Variants in ANXA13 observed in about 807,000 individuals in gnomAD.
ANXA13 encodes the protein annexin A13, also known as annexin XIII.
ANXA13 carries 36 observed loss-of-function variants against 46.6 expected under a neutral mutation model. That is an observed-to-expected ratio of 0.77 (90% CI 0.59 to 1.02). The LOEUF is 1.02. ANXA13 is among the 50% of genes least tolerant of loss of function. ANXA13 has a pLI of 0.00. For missense variants in ANXA13, 417 were observed against 396.5 expected (o/e 1.05, Z -0.44); for synonymous variants, 163 against 152.9 (o/e 1.07, Z -0.49).
intron 1 of ANXA13, among the ~76,000 whole-genome samples, chr8:123,723,757 G>A (rs767783580): frequency 6.6e-6 from 1 of 152,142 alleles, no homozygotes; most frequent in Non-Finnish European, 1.5e-5. Flanking sequence ...TCTTTTAACA[G>A]ATACATTATC....
intron 6 of ANXA13, 138 bp downstream of exon 6, chr8:123,695,364 A>G: frequency 2.9e-6 from 2 of 679,528 alleles, no homozygotes; most frequent in Non-Finnish European, 5.1e-6. Flanking sequence ...CTGATGGAGC[A>G]TGGGTTGATA....
chr8:123,721,335 T>G (rs1315783822), intron 1 of ANXA13, among the ~76,000 whole-genome samples: 1 of 152,186 alleles, frequency 6.6e-6, no homozygotes, highest in African/African-American at 2.4e-5. Context: ...CTGCCTCCTC[T>G]CTCACAGACA....
rs1814054870 is a variant in ANXA13 at position 123,728,920 on chromosome 8, G to GGAAAGA, written c.15+8394_15+8399dup. Among the ~76,000 whole-genome samples, 6 of 151,624 alleles carry GGAAAGA rather than the reference G, an allele frequency of 4.0e-5. No individual in the cohort carries two copies. In the South Asian group the frequency reaches 1.3e-3, roughly 32 times the overall value. On this transcript the variant is annotated intron_variant, in intron 1 of 10. Transcript: ENST00000419625. ...ACAACCATCCAAGTCCCCATTATTT[G>GGAAAGA]GAAAGAGAATTATTTTCTCCCTTTC... is the stretch of plus-strand genomic sequence containing the variant.
At chr8:123,726,983 C>T (rs770132144) in intron 1 of ANXA13, among the ~76,000 whole-genome samples, 3 of 152,092 alleles carry the variant, frequency 2.0e-5, no homozygotes, top group Non-Finnish European at 4.4e-5. Context: ...TGTTCTCACT[C>T]ATAAGTGGGA....
chr8:123,724,948 C>G (rs934685606), intron 1 of ANXA13, among the ~76,000 whole-genome samples: 1 of 152,198 alleles, frequency 6.6e-6, no homozygotes, highest in African/African-American at 2.4e-5. Flanking sequence ...TACCTACTTG[C>G]ACCAGAGGTT....
chr8:123,707,951 A>T (rs1813572140), intron 2 of ANXA13, among the ~76,000 whole-genome samples: 1 of 152,196 alleles, frequency 6.6e-6, no homozygotes, highest in Admixed American at 6.5e-5. Context: ...GCCCAGCAAC[A>T]ACCTGGACGT....
chr8:123,737,312 G>C lies in ANXA13; in HGVS notation c.15+8C>G. The stretch of plus-strand genomic sequence containing the variant: ...TAAAACCAATTCCCAAAGGCAATGA[G>C]TACTTACATGACGATTGCCCATTTT... On this transcript the variant is annotated splice_region_variant and intron_variant, in intron 1 of 10. Coordinates refer to ENST00000419625, the MANE Select transcript of ANXA13 (RefSeq NM_004306.4). The C allele has an allele frequency of 1.2e-6, 2 of 1,610,066 alleles. No individual in the cohort carries two copies. Among genetic ancestry groups the C allele is most frequent in the Non-Finnish European group, 1.7e-6 (2 of 1,177,838 alleles).
At chr8:123,701,240 T>A (rs1248016910) in intron 3 of ANXA13, among the ~76,000 whole-genome samples, 1 of 152,188 alleles carries the variant, frequency 6.6e-6, no homozygotes, top group Non-Finnish European at 1.5e-5. Flanking sequence ...TTTGGGCTGA[T>A]GTGGGCAGAT....
At chr8:123,722,382 G>GAAAGAA (rs1554595381) in intron 1 of ANXA13, among the ~76,000 whole-genome samples, 170 of 126,374 alleles carry the variant, frequency 1.3e-3, no homozygotes, top group African/African-American at 4.5e-3. Flanking sequence ...AAGAAAGAAA[G>GAAAGAA]AAAGAAAGAA....
At chr8:123,715,076 ATCCAAATCTT>A (rs1289360663) in intron 1 of ANXA13, among the ~76,000 whole-genome samples, 12 of 152,204 alleles carry the variant, frequency 7.9e-5, no homozygotes, top group East Asian at 5.8e-4. Flanking sequence ...TGTTTTCCTT[ATCCAAATCTT>A]TTGTGAGATG....
intron 1 of ANXA13, among the ~76,000 whole-genome samples, chr8:123,716,138 T>C (rs1813755154): frequency 6.6e-6 from 1 of 151,986 alleles, no homozygotes; most frequent in African/African-American, 2.4e-5. Flanking sequence ...CAAGGTAGAG[T>C]GTAGTGTTGC....
At chr8:123,731,306 G>A (rs867355243) in intron 1 of ANXA13, among the ~76,000 whole-genome samples, 1 of 152,232 alleles carries the variant, frequency 6.6e-6, no homozygotes, top group South Asian at 2.1e-4. Flanking sequence ...AATCATTTGG[G>A]GAGTTTAAAA....
chr8:123,694,788 G>C (rs528887187), intron 6 of ANXA13, among the ~76,000 whole-genome samples: 33 of 152,318 alleles, frequency 2.2e-4, no homozygotes, highest in African/African-American at 7.9e-4. Context: ...ATAGATCTAT[G>C]TTGTTCTGAG....
chr8:123,704,069 C>T (rs1027371980), intron 2 of ANXA13, among the ~76,000 whole-genome samples: 4 of 152,112 alleles, frequency 2.6e-5, no homozygotes, highest in Non-Finnish European at 5.9e-5. Flanking sequence ...GAATGAAATG[C>T]GAGAATCCAA....
At position 123,690,416 on chromosome 8, in the gene ANXA13, G is replaced by T. The variant is rs556459991; in HGVS notation, c.643-1470C>A. ...TGGCATCTATACCATGTTTTTGCCC[G>T]CTCAGGTTTTTTCCTTGCACAACTC... is the stretch of plus-strand genomic sequence containing the variant. On this transcript the variant is annotated intron_variant, in intron 8 of 10. Transcript: ENST00000419625. The surrounding 1 kb of genome is among the most constrained non-coding windows in gnomAD (Gnocchi z 4.6). Among the ~76,000 whole-genome samples, 2 of 152,094 alleles carry T rather than the reference G, an allele frequency of 1.3e-5. No individual in the cohort carries two copies. The highest frequency in any genetic ancestry group is 4.8e-5 in the African/African-American group (2 of 41,412).
rs754393130 is a variant in ANXA13, at chr8:123,698,956, G to C, written c.187-397C>G. Among the ~76,000 whole-genome samples the C allele has an allele frequency of 5.3e-5, 8 of 152,196 alleles. No individual in the cohort carries two copies. In the East Asian group the frequency reaches 1.5e-3, roughly 29 times the overall value. ...CTAGGAAGGGCTGAAATACAGGGCT[G>C]TTATCTCTAGGACTGGAGAATTTGT... is the stretch of plus-strand genomic sequence containing the variant. On this transcript the variant is annotated intron_variant, in intron 3 of 10. Transcript: ENST00000419625.
chr8:123,695,800 A>G (rs929467642), intron 4 of ANXA13, 79 bp from the exon 5 acceptor site: 61 of 1,289,658 alleles, frequency 4.7e-5, no homozygotes, highest in Non-Finnish European at 6.8e-5. Context: ...AAGAGGCGGG[A>G]GACCATGTCT....
At chr8:123,703,187 A>C (rs1158648495) in intron 2 of ANXA13, among the ~76,000 whole-genome samples, 1 of 152,268 alleles carries the variant, frequency 6.6e-6, no homozygotes, top group Non-Finnish European at 1.5e-5. Flanking sequence ...AAAGGAATAA[A>C]TTACTGATAG....
intron 2 of ANXA13, 121 bp from the exon 3 acceptor site, chr8:123,702,857 A>C: frequency 1.3e-6 from 1 of 781,564 alleles, no homozygotes; most frequent in Non-Finnish European, 2.2e-6. Context: ...TGTCTATGGA[A>C]CCCAACGGAC....
Sources: allele counts gnomAD v4.1 joint callset (sites outside exome capture counted in the v4.1 genomes callset), GRCh38; gene constraint gnomAD v4.1.1; non-coding constraint Gnocchi (gnomAD v3.1); transcripts MANE v1.5; gene names NCBI Gene and HGNC (gene_info 2026-07-23, HGNC 2026-07-21).